Variants in DNAH5 observed in about 807,000 individuals in gnomAD.
DNAH5 encodes dynein axonemal heavy chain 5, also known as axonemal beta dynein heavy chain 5.
DNAH5 carries 372 observed loss-of-function variants against 518.2 expected under a neutral mutation model. That is an observed-to-expected ratio of 0.72 (90% CI 0.66 to 0.78). DNAH5 has a LOEUF of 0.78. DNAH5 is among the 30% of genes least tolerant of loss of function. DNAH5 has a pLI of 0.00. For missense variants in DNAH5, 5,523 were observed against 5,687.0 expected (o/e 0.97, Z 0.93); for synonymous variants, 2,039 against 2,025.9 (o/e 1.01, Z -0.17).
At chr5:13,786,392 C>A (rs186176328) in intron 51 of DNAH5, 41 bp from the exon 52 acceptor site, 52 of 1,582,768 alleles carry the variant, frequency 3.3e-5, no homozygotes, top group Non-Finnish European at 4.5e-5. Context: ...TCTGCAAATA[C>A]CTGCATTTTA....
At chr5:13,726,615 A>C (rs886538333) in intron 70 of DNAH5, among the ~76,000 whole-genome samples, 1 of 152,180 alleles carries the variant, frequency 6.6e-6, no homozygotes, top group Non-Finnish European at 1.5e-5. Flanking sequence ...GAGAAGAAAA[A>C]CTGAAAGGAA....
chr5:13,876,334 A>G (rs1770881778), intron 22 of DNAH5, among the ~76,000 whole-genome samples: 1 of 152,226 alleles, frequency 6.6e-6, no homozygotes, highest in African/African-American at 2.4e-5. Context: ...ACCTTATTCT[A>G]TTTCAAATAT....
Position 13,691,990 on chromosome 5 carries a change from G to T in DNAH5, c.13869C>A (p.Val4623=). Residue 4623 remains valine, a synonymous_variant, in exon 79 of 79, where the codon GTC becomes GTA. Transcript: ENST00000265104. The part of the protein sequence containing the change: ...VLRGVALLCD[V]K ...TGGGGACACTCCCCACATGTTACTT[G>T]ACATCACACAGAAGGGCAACCCCAC... The T allele has an allele frequency of 6.2e-7, 1 of 1,614,084 alleles. No homozygotes were observed. Among genetic ancestry groups the T allele is most frequent in the Non-Finnish European group, 8.5e-7 (1 of 1,179,980 alleles).
In DNAH5 at chr5:13,911,418, C is replaced by T. The variant is rs141651575; in HGVS notation, c.1612G>A (p.Glu538Lys). The stretch of plus-strand genomic sequence containing the variant: ...TCATTAGTCTGCTTGCAAAACTCTT[C>T]GTAATCTTGGTCAAAATCCATTTTC... ...QRKMDFDQDY[E>K]EFCKQTNDLH... The change falls in exon 12 of 79, where the codon GAA becomes AAA. Residue 538 changes from glutamate to lysine, a missense_variant. Physicochemically the swap from Glu to Lys is moderately conservative, Grantham distance 56. This residue lies in a region of DNAH5 where 5,121 missense variants were observed against 5,223.3 expected (regional missense o/e 0.98). Transcript: ENST00000265104. 113 of 1,613,954 alleles carry T rather than the reference C, an allele frequency of 7.0e-5. No homozygotes were observed. The highest frequency in any genetic ancestry group is 9.3e-5 in the African/African-American group (7 of 75,026).
At chr5:13,998,978 T>A (rs1373525127) in intron 1 of DNAH5, among the ~76,000 whole-genome samples, 1 of 152,170 alleles carries the variant, frequency 6.6e-6, no homozygotes, top group African/African-American at 2.4e-5. Context: ...TTCAAGCAAT[T>A]CTCCTGCCTC....
At chr5:13,721,596 T>C (rs1435812731) in intron 70 of DNAH5, among the ~76,000 whole-genome samples, 1 of 152,218 alleles carries the variant, frequency 6.6e-6, no homozygotes, top group African/African-American at 2.4e-5. Flanking sequence ...TATATTTGCA[T>C]TTAAATAATC....
chr5:13,718,081 T>C (rs1398819176), intron 72 of DNAH5, among the ~76,000 whole-genome samples: 2 of 152,148 alleles, frequency 1.3e-5, no homozygotes, highest in African/African-American at 2.4e-5. Flanking sequence ...CATTATCTTA[T>C]AGATTGGCAG....
intron 32 of DNAH5, among the ~76,000 whole-genome samples, chr5:13,842,433 A>AGAGAGAG (rs1561407131): frequency 1.8e-4 from 11 of 61,926 alleles, no homozygotes; most frequent in African/African-American, 7.1e-4. Flanking sequence ...AAAAGAAAGA[A>AGAGAGAG]AGAAAGAAAG....
upstream of DNAH5, among the ~76,000 whole-genome samples, chr5:13,946,425 G>A (rs1164643941): frequency 6.6e-6 from 1 of 152,248 alleles, no homozygotes. Context: ...GAGCGCTCAG[G>A]CTCACTGGAA....
At chr5:13,848,178 A>C (rs1043468197) in intron 31 of DNAH5, among the ~76,000 whole-genome samples, 7 of 152,222 alleles carry the variant, frequency 4.6e-5, no homozygotes, top group African/African-American at 1.7e-4. Context: ...TTGATCTAAT[A>C]ATTTTATAAG....
rs1199977978 is a variant in DNAH5 at position 13,937,046 on chromosome 5, CGTT to C, written c.58-5805_58-5803del. On this transcript the variant is annotated intron_variant, in intron 1 of 78. Transcript: ENST00000265104. ...TGTCACAAAATCCCTATGAAGAAGACGTTATTATCTCCACACCAGGAAATCAAG... is the reference window on the plus strand; with the variant it reads ...TGTCACAAAATCCCTATGAAGAAGACATTATCTCCACACCAGGAAATCAAG... Among the ~76,000 whole-genome samples, 24 of 151,954 alleles carry C rather than the reference CGTT, an allele frequency of 1.6e-4. No individual in the cohort carries two copies. The East Asian group carries it at 4.1e-3, about 26-fold the overall frequency.
intron 52 of DNAH5, among the ~76,000 whole-genome samples, chr5:13,784,668 G>A (rs867480565): frequency 2.0e-4 from 31 of 152,192 alleles, no homozygotes; most frequent in Middle Eastern, 3.2e-3. Context: ...TAATTGTGCA[G>A]TGGTTCCTCA....
chr5:13,754,262 T>A lies in DNAH5; in HGVS notation c.10496A>T (p.Glu3499Val). ...ASTLISGLAG[E>V]KERWTEQSQE... is the part of the protein sequence containing the mutation. ...GCTTTGCTCTGTCCATCTTTCTTTT[T>A]CACCTGCCAAGCCACTGATGAGCGT... The change falls in exon 62 of 79, where the codon GAA becomes GTA. Residue 3499 changes from glutamate (E) to valine (V), a missense_variant. Around this residue, in one of 3 missense-constraint regions of DNAH5, gnomAD observed 5,121 missense variants for 5,223.3 expected, o/e 0.98. Coordinates refer to ENST00000265104, the MANE Select transcript of DNAH5 (RefSeq NM_001369.3). 6.2e-7 allele frequency: 1 copy of A among 1,614,082 alleles called. No homozygotes were observed. The highest frequency in any genetic ancestry group is 8.5e-7 in the Non-Finnish European group (1 of 1,179,964).
Position 13,839,471 on chromosome 5 carries a change from A to T in DNAH5, c.5767T>A (p.Tyr1923Asn). 6.2e-7 allele frequency: 1 copy of T among 1,614,088 alleles called. No individual in the cohort carries two copies. ...ATCTTGTCAGAATCTTCGTTAAAGT[A>T]AAATCTGCACTGTTTCAGCCACTCA... ...DFEWLKQCRF[Y>N]FNEDSDKMMI... The change falls in exon 35 of 79, where the codon TAC becomes AAC. Residue 1923 changes from tyrosine to asparagine, a missense_variant. Tyr to Asn is a moderately radical substitution (Grantham distance 143, BLOSUM62 -2). Around this residue, in one of 3 missense-constraint regions of DNAH5, gnomAD observed 5,121 missense variants for 5,223.3 expected, o/e 0.98. Transcript: ENST00000265104.
At chr5:13,731,822 A>G (rs139104324) in intron 68 of DNAH5, among the ~76,000 whole-genome samples, 1 of 152,314 alleles carries the variant, frequency 6.6e-6, no homozygotes, top group African/African-American at 2.4e-5. Flanking sequence ...CTTAGAAATG[A>G]CTGAAAGACC....
At chr5:13,842,140 G>A (rs1021632621) in intron 32 of DNAH5, among the ~76,000 whole-genome samples, 1 of 151,816 alleles carries the variant, frequency 6.6e-6, no homozygotes, top group African/African-American at 2.4e-5. Flanking sequence ...AGCACTTTGG[G>A]AGGCCGCTCT....
chr5:13,718,185 A>G (rs1744561211), intron 72 of DNAH5, among the ~76,000 whole-genome samples: 1 of 152,182 alleles, frequency 6.6e-6, no homozygotes, highest in African/African-American at 2.4e-5. Flanking sequence ...TATCAAATAC[A>G]TGATTTTAGT....
At chr5:13,867,516 G>A (rs968822131) in intron 25 of DNAH5, among the ~76,000 whole-genome samples, 2 of 152,092 alleles carry the variant, frequency 1.3e-5, no homozygotes, top group African/African-American at 4.8e-5. Context: ...TGAACTGTGA[G>A]TCAATTAAAC....
intron 1 of DNAH5, among the ~76,000 whole-genome samples, chr5:13,975,567 G>C (rs537403026): frequency 6.6e-6 from 1 of 152,282 alleles, no homozygotes; most frequent in South Asian, 2.1e-4. Flanking sequence ...TTCTGAGGCA[G>C]GGTTTACTTA....
Sources: gnomAD v4.1 joint callset for allele counts (sites outside exome capture counted in the v4.1 genomes callset) on GRCh38, gnomAD v4.1.1 for gene constraint, gnomAD v4.1.1 regional missense constraint, MANE v1.5 for transcripts, NCBI Gene and HGNC (gene_info 2026-07-23, HGNC 2026-07-21) for gene names.